Variants in SPTLC2 observed in about 807,000 individuals in gnomAD.
SPTLC2 encodes serine palmitoyltransferase 2.
SPTLC2 carries 21 observed loss-of-function variants against 62.0 expected under a neutral mutation model. The observed-to-expected ratio is 0.34, with a 90% CI of 0.24 to 0.49. SPTLC2 has a LOEUF of 0.49. SPTLC2 is among the 20% of genes least tolerant of loss of function. The pLI, the probability that SPTLC2 is intolerant of heterozygous loss-of-function variation, is 0.99. For missense variants in SPTLC2, 511 were observed against 713.0 expected, an observed-to-expected ratio of 0.72 and a Z score of 3.23; for synonymous variants, 261 against 261.8, an observed-to-expected ratio of 1.00 and a Z score of 0.03.
At chr14:77,515,805 G>A (rs544124032) in intron 11 of SPTLC2, among the ~76,000 whole-genome samples, 1 of 152,256 alleles carries the variant, frequency 6.6e-6, no homozygotes, top group South Asian at 2.1e-4. Context: ...GGGATTACAG[G>A]TGTGAGCCAC....
chr14:77,523,442 G>A (rs895984760), intron 9 of SPTLC2, among the ~76,000 whole-genome samples: 2 of 152,168 alleles, frequency 1.3e-5, no homozygotes, highest in African/African-American at 4.8e-5. Context: ...GAGGCTGCGG[G>A]GGCTAGAATT....
intron 1 of SPTLC2, among the ~76,000 whole-genome samples, chr14:77,610,870 A>ACTCTGTCTCCCTCTCT (rs774987494): frequency 1.3e-5 from 2 of 149,798 alleles, no homozygotes; most frequent in African/African-American, 2.5e-5. Flanking sequence ...ACATAGTGAG[A>ACTCTGTCTCCCTCTCT]CTCTGTCTCC....
chr14:77,558,289 G>T (rs919330190), intron 6 of SPTLC2, among the ~76,000 whole-genome samples: 1 of 149,648 alleles, frequency 6.7e-6, no homozygotes, highest in Non-Finnish European at 1.5e-5. Context: ...CAGGTGATCC[G>T]CCTGCCTCGG....
Position 77,616,472 on chromosome 14 carries a change from G to GGCTGCA in SPTLC2, c.102_107dup (p.Ala41_Ala42dup), listed in dbSNP as rs2079968365. The GGCTGCA allele has an allele frequency of 3.3e-6, 5 of 1,495,476 alleles. No homozygotes were observed. Among genetic ancestry groups the GGCTGCA allele is most frequent in the East Asian group, 2.8e-5 (1 of 35,576 alleles). The allele number at this position is 1,495,476 out of a possible 1,614,324, so 92.6% of individuals were successfully genotyped here. On this transcript the variant is annotated inframe_insertion, in exon 1 of 12. Coordinates refer to ENST00000216484, the MANE Select transcript of SPTLC2 (RefSeq NM_004863.4). Reference sequence around the variant, plus strand: ...CCTGGCCGGCGGCGGCTGCGGCTGCGGCTGCAGCGCTGCTCCTCACGTACC... The same window carrying GGCTGCA: ...CCTGGCCGGCGGCGGCTGCGGCTGCGGCTGCAGCTGCAGCGCTGCTCCTCACGTACC...
At chr14:77,586,667 A>C (rs996531716) in intron 2 of SPTLC2, among the ~76,000 whole-genome samples, 1 of 152,220 alleles carries the variant, frequency 6.6e-6, no homozygotes, top group Admixed American at 6.5e-5. Context: ...TGGTAGACGC[A>C]AAATACTTGT....
chr14:77,552,681 C>T (rs1321280767), intron 8 of SPTLC2, among the ~76,000 whole-genome samples: 2 of 151,852 alleles, frequency 1.3e-5, no homozygotes, highest in African/African-American at 4.8e-5. Context: ...AGGCGGGCAC[C>T]TATAATCCCA....
chr14:77,526,303 TC>T (rs140454241), intron 9 of SPTLC2, among the ~76,000 whole-genome samples: 3,455 of 152,288 alleles, frequency 0.023, 107 homozygotes, highest in African/African-American at 0.079. Flanking sequence ...TCAGCAAGTA[TC>T]TGGTCTAATA....
chr14:77,585,255 G>A (rs2079774915), intron 2 of SPTLC2, among the ~76,000 whole-genome samples: 1 of 152,298 alleles, frequency 6.6e-6, no homozygotes, highest in South Asian at 2.1e-4. Context: ...TTATTGTTGA[G>A]AAATAGATGT....
At chr14:77,584,518 T>TACC (rs1555377001) in intron 2 of SPTLC2, among the ~76,000 whole-genome samples, 1 of 151,654 alleles carries the variant, frequency 6.6e-6, no homozygotes, top group African/African-American at 2.4e-5. Context: ...TTAAGGAAGA[T>TACC]ATTTCTTACA....
chr14:77,530,346 T>A (rs1298906847), intron 9 of SPTLC2, among the ~76,000 whole-genome samples: 2 of 152,108 alleles, frequency 1.3e-5, no homozygotes, highest in Non-Finnish European at 2.9e-5. Context: ...TTATTTATTT[T>A]GAGATGGAGT....
At chr14:77,524,419 AC>A (rs1398091811) in intron 9 of SPTLC2, among the ~76,000 whole-genome samples, 3 of 151,704 alleles carry the variant, frequency 2.0e-5, no homozygotes, top group Non-Finnish European at 4.4e-5. Flanking sequence ...CTATCTAATC[AC>A]AAATTAACTA....
chr14:77,581,348 A>G (rs1451433991), intron 2 of SPTLC2, among the ~76,000 whole-genome samples: 1 of 151,242 alleles, frequency 6.6e-6, no homozygotes. Flanking sequence ...TCTTATAAAT[A>G]AGGCTGAGCA....
At chr14:77,616,113 T>TCCCACTGGAGTCCGAAGGGCC (rs1286307782) in intron 1 of SPTLC2, among the ~76,000 whole-genome samples, 5 of 152,166 alleles carry the variant, frequency 3.3e-5, no homozygotes, top group Non-Finnish European at 5.9e-5. Context: ...CTTGGGCGGC[T>TCCCACTGGAGTCCGAAGGGCC]CCCACTGGAG....
chr14:77,548,026 C>T lies in SPTLC2; in HGVS notation c.1303+4070G>A, dbSNP rs10142516. ...GAGCCAAACCTAGTTTTAATTAAAC[C>T]TCAATCTGCTCAGGGTAGTCTTTTT... On this transcript the variant is annotated intron_variant, in intron 9 of 11. Coordinates refer to ENST00000216484, the MANE Select transcript of SPTLC2 (RefSeq NM_004863.4). Among the ~76,000 whole-genome samples the T allele has an allele frequency of 5.8e-3, 877 of 152,096 alleles. 9 individuals carry two copies. The highest frequency in any genetic ancestry group is 0.02 in the African/African-American group (834 of 41,492).
At chr14:77,580,067 A>G (rs2079739672) in intron 2 of SPTLC2, among the ~76,000 whole-genome samples, 2 of 152,248 alleles carry the variant, frequency 1.3e-5, no homozygotes, top group Non-Finnish European at 2.9e-5. Flanking sequence ...ACATAATTCC[A>G]ATTTCAACCA....
intron 1 of SPTLC2, among the ~76,000 whole-genome samples, chr14:77,604,363 C>T (rs1358968011): frequency 3.9e-5 from 6 of 152,132 alleles, no homozygotes; most frequent in Non-Finnish European, 7.4e-5. Flanking sequence ...TCAATTTCAT[C>T]CCCCATCCCA....
chr14:77,552,002 C>A (rs1332972480), intron 9 of SPTLC2, 94 bp downstream of exon 9: 4 of 1,543,668 alleles, frequency 2.6e-6, no homozygotes, highest in Non-Finnish European at 3.5e-6. Context: ...TATTAGTAAA[C>A]CTGACTATTT....
chr14:77,562,939 G>A (rs555570076), intron 5 of SPTLC2, among the ~76,000 whole-genome samples: 1 of 152,282 alleles, frequency 6.6e-6, no homozygotes, highest in African/African-American at 2.4e-5. Context: ...AGAGTCCAGG[G>A]AAGATCCTAC....
At chr14:77,521,295 G>T in intron 10 of SPTLC2, 151 bp downstream of exon 10, 1 of 951,550 alleles carries the variant, frequency 1.1e-6, no homozygotes, top group Non-Finnish European at 1.7e-6. Context: ...TTACAATTTG[G>T]AATCCACTAT....
Sources: gnomAD v4.1 joint callset for allele counts (sites outside exome capture counted in the v4.1 genomes callset) on GRCh38, gnomAD v4.1.1 for gene constraint, MANE v1.5 for transcripts, NCBI Gene and HGNC (gene_info 2026-07-23, HGNC 2026-07-21) for gene names.